The following DSCAML1 variants were observed in gnomAD, a reference collection of about 807,000 sequenced individuals.
DSCAML1 encodes the protein cell adhesion molecule DSCAML1.
Under a neutral mutation model 200.5 loss-of-function variants are expected in DSCAML1, and 38 were observed. The observed-to-expected ratio is 0.19, with a 90% confidence interval of 0.15 to 0.25. DSCAML1 has a LOEUF of 0.25. DSCAML1 is among the 10% of genes least tolerant of loss of function. The probability of loss-of-function intolerance (pLI) is 1.00; values close to 1 mark genes in which losing one functional copy is unlikely to be tolerated. For missense variants in DSCAML1, 2,223 were observed against 2,858.8 expected (o/e 0.78, Z 5.07); for synonymous variants, 1,215 against 1,165.0 (o/e 1.04, Z -0.87).
chr11:117,491,664 C>A (rs1364684066), intron 11 of DSCAML1, among the ~76,000 whole-genome samples: 2 of 152,170 alleles, frequency 1.3e-5, no homozygotes, highest in Non-Finnish European at 2.9e-5. Flanking sequence ...ATCCCAGCTC[C>A]TCGGGAGGCT....
At chr11:117,457,715 T>C (rs1380568158) in intron 19 of DSCAML1, among the ~76,000 whole-genome samples, 1 of 152,194 alleles carries the variant, frequency 6.6e-6, no homozygotes. Context: ...CCCCGGGCAC[T>C]GGGCGACAAT....
At chr11:117,443,649 C>A (rs1423631480) in intron 21 of DSCAML1, among the ~76,000 whole-genome samples, 4 of 152,188 alleles carry the variant, frequency 2.6e-5, no homozygotes, top group African/African-American at 9.7e-5. Context: ...ACTGAGTGCA[C>A]CCTGTCCACC....
chr11:117,565,054 A>G (rs1373398903), intron 3 of DSCAML1, among the ~76,000 whole-genome samples: 1 of 152,154 alleles, frequency 6.6e-6, no homozygotes, highest in African/African-American at 2.4e-5. Context: ...GGCATGAGCC[A>G]CTGTGCCCGG....
In DSCAML1 at chr11:117,672,398, C is replaced by A. The variant is rs188657460; in HGVS notation, c.511+104393G>T. ...GATCTCTAACTGGCCATTTTCCCCC[C>A]ACTCCCCAAACACATGGCTTTCCTA... is the stretch of plus-strand genomic sequence containing the variant. On this transcript the variant is annotated intron_variant, in intron 3 of 32. Coordinates refer to ENST00000651296, the MANE Select transcript of DSCAML1 (RefSeq NM_020693.4). Among the ~76,000 whole-genome samples the A allele has an allele frequency of 2.3e-4, 35 of 152,230 alleles. No individual in the cohort carries two copies. In the East Asian group the frequency reaches 4.8e-3, roughly 21 times the overall value.
intron 29 of DSCAML1, 137 bp from the exon 30 acceptor site, chr11:117,432,641 G>C (rs2047825353): frequency 9.9e-6 from 10 of 1,007,466 alleles, no homozygotes; most frequent in South Asian, 1.7e-5. Context: ...TTTTGAGACA[G>C]GGTCTCACTC....
intron 1 of DSCAML1, among the ~76,000 whole-genome samples, chr11:117,804,885 T>G (rs1202460822): frequency 1.3e-5 from 2 of 152,186 alleles, no homozygotes; most frequent in Non-Finnish European, 2.9e-5. Flanking sequence ...GAGCTGTGAT[T>G]GTACCACTGT....
At chr11:117,690,069 C>T (rs1367987729) in intron 3 of DSCAML1, among the ~76,000 whole-genome samples, 1 of 152,168 alleles carries the variant, frequency 6.6e-6, no homozygotes, top group Non-Finnish European at 1.5e-5. Context: ...AAATAGTTTC[C>T]AAAAGCCAGA....
At chr11:117,556,472 C>T (rs2050560812) in intron 3 of DSCAML1, among the ~76,000 whole-genome samples, 1 of 147,668 alleles carries the variant, frequency 6.8e-6, no homozygotes, top group Non-Finnish European at 1.5e-5. Flanking sequence ...CCTTTCTCGA[C>T]TCACAGGTGT....
At chr11:117,595,769 T>C (rs2051352421) in intron 3 of DSCAML1, among the ~76,000 whole-genome samples, 1 of 151,734 alleles carries the variant, frequency 6.6e-6, no homozygotes, top group African/African-American at 2.4e-5. Context: ...GTGAGCTCCA[T>C]GTATGGCTAA....
chr11:117,521,454 C>T lies in DSCAML1; in HGVS notation c.938-49G>A, dbSNP rs1303190853. Reference sequence around the variant, plus strand: ...AGGGGAAATGGGAGGGAGGAAAGAACAGAAAAAGGGCTTACTGTGAGTGGA... The same window carrying T: ...AGGGGAAATGGGAGGGAGGAAAGAATAGAAAAAGGGCTTACTGTGAGTGGA... On this transcript the variant is annotated intron_variant, in intron 5 of 32. Coordinates refer to ENST00000651296, the MANE Select transcript of DSCAML1 (RefSeq NM_020693.4). 5 of 1,580,738 alleles carry T rather than the reference C, an allele frequency of 3.2e-6. No individual in the cohort carries two copies. The African/African-American group carries it at 5.4e-5, about 17-fold the overall frequency.
intron 1 of DSCAML1, among the ~76,000 whole-genome samples, chr11:117,815,622 C>T (rs969719569): frequency 7.9e-5 from 12 of 152,078 alleles, no homozygotes; most frequent in South Asian, 6.2e-4. Context: ...GTAGCAGCCG[C>T]GGTGACTGGC....
At chr11:117,669,586 T>C (rs2053058153) in intron 3 of DSCAML1, among the ~76,000 whole-genome samples, 1 of 152,080 alleles carries the variant, frequency 6.6e-6, no homozygotes, top group African/African-American at 2.4e-5. Context: ...GACAATGTAG[T>C]TAGGAAGACC....
intron 3 of DSCAML1, among the ~76,000 whole-genome samples, chr11:117,725,680 A>T (rs1427006630): frequency 1.0e-4 from 2 of 19,824 alleles, no homozygotes; most frequent in African/African-American, 1.3e-4. Context: ...AGGAGGAGGG[A>T]GGCCGGGCCT....
At chr11:117,604,975 A>G (rs952918811) in intron 3 of DSCAML1, among the ~76,000 whole-genome samples, 8 of 152,072 alleles carry the variant, frequency 5.3e-5, no homozygotes, top group African/African-American at 1.9e-4. Flanking sequence ...ACCTGACCAG[A>G]GGGGCTTTTC....
At chr11:117,525,829 G>A (rs984664396) in intron 4 of DSCAML1, among the ~76,000 whole-genome samples, 1 of 152,178 alleles carries the variant, frequency 6.6e-6, no homozygotes, top group Non-Finnish European at 1.5e-5. Context: ...GCAATTCATG[G>A]TAAGTATCTC....
Position 117,587,079 on chromosome 11 carries a change from G to A in DSCAML1, c.512-54557C>T, listed in dbSNP as rs546562226. Among the ~76,000 whole-genome samples the A allele has an allele frequency of 2.6e-5, 4 of 152,128 alleles. No individual in the cohort carries two copies. The South Asian group carries it at 6.3e-4, about 24-fold the overall frequency. ...GTGGCCACATCACGCAGGACCCCAG[G>A]GAGAAGGCTCTCCACTTTTGCCAGG... is the stretch of plus-strand genomic sequence containing the variant. On this transcript the variant is annotated intron_variant, in intron 3 of 32. Coordinates refer to ENST00000651296, the MANE Select transcript of DSCAML1 (RefSeq NM_020693.4).
chr11:117,537,570 T>C (rs2050192748), intron 3 of DSCAML1, among the ~76,000 whole-genome samples: 1 of 152,114 alleles, frequency 6.6e-6, no homozygotes, highest in Non-Finnish European at 1.5e-5. Context: ...AACAAATTAG[T>C]GCCTCCTAGG....
intron 1 of DSCAML1, 146 bp downstream of exon 1, chr11:117,796,888 C>T: frequency 4.1e-6 from 2 of 483,514 alleles, no homozygotes; most frequent in Non-Finnish European, 3.2e-6. Flanking sequence ...AGGGTGCCTG[C>T]CCCTCCCCGC....
intron 19 of DSCAML1, among the ~76,000 whole-genome samples, chr11:117,453,717 T>C (rs2048322908): frequency 6.7e-6 from 1 of 150,260 alleles, no homozygotes; most frequent in Non-Finnish European, 1.5e-5. Context: ...ATGATATGCT[T>C]AGGTGTGGAT....
Sources: allele counts gnomAD v4.1 joint callset (sites outside exome capture counted in the v4.1 genomes callset), GRCh38; gene constraint gnomAD v4.1.1; transcripts MANE v1.5; gene names NCBI Gene and HGNC (gene_info 2026-07-23, HGNC 2026-07-21).